Variants in TFAP2E observed in about 807,000 individuals in gnomAD.
The protein encoded by TFAP2E is transcription factor AP-2-epsilon.
Under a neutral mutation model 37.9 loss-of-function variants are expected in TFAP2E, and 30 were observed. That is an observed-to-expected ratio of 0.79 (90% CI 0.59 to 1.07). TFAP2E has a LOEUF of 1.07. Among genes scored for constraint, TFAP2E ranks in the 50% least tolerant of loss-of-function variants. The pLI is 0.00. For synonymous variants in TFAP2E, 318 were observed against 295.8 expected (o/e 1.08, Z -0.77); for missense variants, 567 against 637.9 (o/e 0.89, Z 1.20).
In TFAP2E at chr1:35,574,003, C is replaced by T; in HGVS notation, c.104C>T (p.Ala35Val). The change falls in exon 2 of 7, where the codon GCG (alanine) becomes GTG (valine). Residue 35 changes from alanine (A) to valine (V), a missense_variant. This residue lies in a region of TFAP2E where 312 missense variants were observed against 317.4 expected (regional missense o/e 0.98). Coordinates refer to ENST00000373235, the MANE Select transcript of TFAP2E (RefSeq NM_178548.4). Reference protein sequence around the residue: ...SSLPQAAYGPAPPLCHTPAAT... With the variant: ...SSLPQAAYGPVPPLCHTPAAT... The stretch of plus-strand genomic sequence containing the variant: ...CTGCCCCAGGCGGCCTACGGGCCGG[C>T]GCCCCCGCTCTGCCACACGCCGGCC... 2.7e-6 allele frequency: 4 copies of T among 1,483,856 alleles called. No homozygotes were observed. In the South Asian group the frequency reaches 3.8e-5, roughly 14 times the overall value. 91.9% of individuals were successfully genotyped at this position (1,483,856 alleles called of 1,614,324 possible).
intron 2 of TFAP2E, chr1:35,574,677 G>A: frequency 6.1e-6 from 4 of 651,286 alleles, no homozygotes; most frequent in Non-Finnish European, 5.2e-6. Context: ...GCCACGTGTG[G>A]CATCCATGGG....
In TFAP2E at chr1:35,592,053, C is replaced by T. The variant is rs143827532; in HGVS notation, c.1046+1278C>T. Among the ~76,000 whole-genome samples, 515 of 152,190 alleles carry T rather than the reference C, an allele frequency of 3.4e-3. 3 individuals carry two copies. Among genetic ancestry groups the T allele is most frequent in the African/African-American group, 0.012 (497 of 41,552 alleles). On this transcript the variant is annotated intron_variant, in intron 6 of 6. Transcript: ENST00000373235. ...CTGTAATCCCAGCACTTTTGAGAGG[C>T]TGAGGCTGGTGGATCGCTTGAGCCC...
chr1:35,594,752 A>G lies in TFAP2E; in HGVS notation c.*76A>G, dbSNP rs1450136289. ...CTTAGCTCTTGGGGGTGGGCCTGGA[A>G]GGACTGAAAGGTGGGATTAGAGTCA... On this transcript the variant is annotated 3_prime_UTR_variant, in exon 7 of 7. Transcript: ENST00000373235. The G allele has an allele frequency of 6.3e-7, 1 of 1,586,740 alleles. No homozygotes were observed. The highest frequency in any genetic ancestry group is 1.4e-5 in the African/African-American group (1 of 73,592).
intron 3 of TFAP2E, among the ~76,000 whole-genome samples, chr1:35,584,063 G>C (rs1649418857): frequency 6.6e-6 from 1 of 152,190 alleles, no homozygotes; most frequent in Non-Finnish European, 1.5e-5. Context: ...CCTCATTGCT[G>C]TATTTATCAC....
intron 6 of TFAP2E, among the ~76,000 whole-genome samples, chr1:35,591,019 C>T (rs532906372): frequency 7.8e-4 from 119 of 152,132 alleles, no homozygotes; most frequent in African/African-American, 2.6e-3. Context: ...CGTACGTGCG[C>T]GCCACTGTGT....
At chr1:35,582,914 T>TC (rs1649392080) in intron 3 of TFAP2E, among the ~76,000 whole-genome samples, 1 of 152,070 alleles carries the variant, frequency 6.6e-6, no homozygotes. Flanking sequence ...TTTCTTTCTT[T>TC]TTTTTTTGAG....
intron 3 of TFAP2E, among the ~76,000 whole-genome samples, chr1:35,583,465 A>G (rs188561807): frequency 6.6e-6 from 1 of 152,086 alleles, no homozygotes; most frequent in Non-Finnish European, 1.5e-5. Flanking sequence ...TTCTAGAAAA[A>G]ACTTGCAACT....
Position 35,577,284 on chromosome 1 carries a change from TC to T in TFAP2E, c.562+2288del. 2.3e-6 allele frequency: 1 copy of T among 434,686 alleles called. No homozygotes were observed. The highest frequency in any genetic ancestry group is 1.6e-5 in the South Asian group (1 of 61,624). The allele number at this position is 434,686 out of a possible 1,614,324, so 26.9% of individuals were successfully genotyped here. A position where few individuals can be genotyped will look rare whatever the true frequency, so the allele number is the denominator to read the frequency against. On this transcript the variant is annotated intron_variant, in intron 3 of 6. Transcript: ENST00000373235. This position sits in a 1 kb window ranked among gnomAD's most constrained non-coding sequence, Gnocchi z 6.3. ...GCTCCTTGCTCCCTGGAGCCGCCCC[TC>T]CCCACACCTGCCCTCGGCGCCCCCA...
Position 35,574,118 on chromosome 1 carries a change from C to T in TFAP2E, c.219C>T (p.Ala73=). ...PLPYGQAPDA[A]AAFPHLAGDP... ...CCTACGGTCAGGCGCCCGACGCCGC[C>T]GCAGCCTTTCCCCACCTGGCAGGGG... The change falls in exon 2 of 7, where the codon GCC becomes GCT. Residue 73 remains alanine (A), a synonymous_variant. Coordinates refer to ENST00000373235, the MANE Select transcript of TFAP2E (RefSeq NM_178548.4). 6.9e-7 allele frequency: 1 copy of T among 1,458,098 alleles called. No homozygotes were observed. The highest frequency in any genetic ancestry group is 1.3e-5 in the South Asian group (1 of 79,272). The allele number at this position is 1,458,098 out of a possible 1,614,324, so 90.3% of individuals were successfully genotyped here.
chr1:35,594,895 A>T lies in TFAP2E; in HGVS notation c.*219A>T, dbSNP rs1649788368. 1.6e-6 allele frequency: 1 copy of T among 626,548 alleles called. No individual in the cohort carries two copies. The highest frequency in any genetic ancestry group is 1.8e-5 in the African/African-American group (1 of 54,382). The allele number at this position is 626,548 out of a possible 1,614,324, so 38.8% of individuals were successfully genotyped here. Reference sequence around the variant, plus strand: ...AGTTAAGGGCCCAGGTATTTGTCTCATGTGTGCAATTTTCTGACCTTTGAT... The same window carrying T: ...AGTTAAGGGCCCAGGTATTTGTCTCTTGTGTGCAATTTTCTGACCTTTGAT... On this transcript the variant is annotated 3_prime_UTR_variant, in exon 7 of 7. Coordinates refer to ENST00000373235, the MANE Select transcript of TFAP2E (RefSeq NM_178548.4).
intron 4 of TFAP2E, 82 bp from the exon 5 acceptor site, chr1:35,589,848 A>G (rs2148553221): frequency 6.9e-6 from 10 of 1,447,922 alleles, no homozygotes; most frequent in African/African-American, 1.4e-5. Context: ...GGAGGCAACA[A>G]GGCCCTTTGG....
At position 35,573,541 on chromosome 1, in the gene TFAP2E, G is replaced by T. The variant is rs1350473998; in HGVS notation, c.-37G>T. On this transcript the variant is annotated 5_prime_UTR_variant, in exon 1 of 7. Transcript: ENST00000373235. This position sits in a 1 kb window ranked among gnomAD's most constrained non-coding sequence, Gnocchi z 5.9. ...GCGCTCGCCGTCGGGCTAGGGCTCC[G>T]CCGCCGCCACGCCTCGCGCCCGGCA... The T allele has an allele frequency of 6.6e-7, 1 of 1,510,990 alleles. No homozygotes were observed. Among genetic ancestry groups the T allele is most frequent in the Non-Finnish European group, 8.8e-7 (1 of 1,130,762 alleles). The allele number at this position is 1,510,990 out of a possible 1,614,324, so 93.6% of individuals were successfully genotyped here.
At chr1:35,574,499 C>CT in intron 2 of TFAP2E, 90 bp downstream of exon 2, 1 of 1,331,490 alleles carries the variant, frequency 7.5e-7, no homozygotes, top group Non-Finnish European at 9.6e-7. Flanking sequence ...TGCAGGAAGC[C>CT]GACTTTTCTC....
chr1:35,574,782 C>CA (rs1649120430), intron 2 of TFAP2E, 167 bp from the exon 3 acceptor site: 3 of 847,934 alleles, frequency 3.5e-6, no homozygotes, highest in Non-Finnish European at 5.8e-6. Flanking sequence ...CCCAGGGCTC[C>CA]AGCTCAGTGC....
At chr1:35,581,523 A>G (rs1370423862) in intron 3 of TFAP2E, among the ~76,000 whole-genome samples, 2 of 151,640 alleles carry the variant, frequency 1.3e-5, no homozygotes, top group Admixed American at 1.3e-4. Flanking sequence ...CTCACCAGCA[A>G]TGTGTGAGGG....
At chr1:35,574,799 A>G (rs972958759) in intron 2 of TFAP2E, 150 bp from the exon 3 acceptor site, 1 of 994,644 alleles carries the variant, frequency 1.0e-6, no homozygotes, top group Admixed American at 1.9e-5. Context: ...GTGCCTGGAC[A>G]TAGCGATTCC....
Position 35,590,059 on chromosome 1 carries a change from C to T in TFAP2E, c.904+11C>T. ...CTTCGCTAGTGGAAGGTGAGTGAGG[C>T]CTGAAGGTGGGCATGGGAGTGGATG... On this transcript the variant is annotated intron_variant, in intron 5 of 6. Transcript: ENST00000373235. The surrounding 1 kb of genome is among the most constrained non-coding windows in gnomAD (Gnocchi z 6.2). 6.2e-7 allele frequency: 1 copy of T among 1,612,992 alleles called. No individual in the cohort carries two copies. Among genetic ancestry groups the T allele is most frequent in the Non-Finnish European group, 8.5e-7 (1 of 1,179,256 alleles).
At chr1:35,578,473 T>C (rs891053571) in intron 3 of TFAP2E, among the ~76,000 whole-genome samples, 1 of 151,540 alleles carries the variant, frequency 6.6e-6, no homozygotes, top group Non-Finnish European at 1.5e-5. Flanking sequence ...TTTCAGGTTA[T>C]ACAATCAGAG....
intron 6 of TFAP2E, among the ~76,000 whole-genome samples, chr1:35,592,603 G>T (rs948071436): frequency 5.9e-5 from 9 of 152,136 alleles, no homozygotes; most frequent in African/African-American, 2.2e-4. Flanking sequence ...ATGTTGGCCA[G>T]GCTGGTCTCA....
Sources: allele counts gnomAD v4.1 joint callset (sites outside exome capture counted in the v4.1 genomes callset), GRCh38; gene constraint gnomAD v4.1.1; regional missense constraint gnomAD v4.1.1; non-coding constraint Gnocchi (gnomAD v3.1); transcripts MANE v1.5; gene names NCBI Gene and HGNC (gene_info 2026-07-23, HGNC 2026-07-21).